The following PPP2R2B variants were observed in gnomAD, a reference collection of about 807,000 sequenced individuals.
PPP2R2B encodes serine/threonine-protein phosphatase 2A 55 kDa regulatory subunit B beta isoform.
A neutral mutation model predicts 46.0 loss-of-function variants in PPP2R2B; 5 were observed. That is an observed-to-expected ratio of 0.11 (90% CI 0.06 to 0.23). PPP2R2B has a LOEUF of 0.23. PPP2R2B is among the 10% of genes least tolerant of loss of function. The pLI is 1.00. For synonymous variants in PPP2R2B, 215 were observed against 206.7 expected (o/e 1.04, Z -0.34); for missense variants, 367 against 575.0 (o/e 0.64, Z 3.70).
rs181226265 is a variant in PPP2R2B, at chr5:146,840,964, T to A, written c.70+37038A>T. ...AAACAAAGAGATGAAACAAGACAAATATGTATTAAACATTAGTGGCCAATA... is the reference window on the plus strand; with the variant it reads ...AAACAAAGAGATGAAACAAGACAAAAATGTATTAAACATTAGTGGCCAATA... On this transcript the variant is annotated intron_variant, in intron 2 of 9. Transcript: ENST00000394411. 4.3e-3 allele frequency among the ~76,000 whole-genome samples: 658 copies of A among 152,262 alleles called. 3 individuals are homozygous for A. Among genetic ancestry groups the A allele is most frequent in the Non-Finnish European group, 6.5e-3 (445 of 68,010 alleles).
At chr5:146,936,488 CT>C (rs1764144830) in intron 1 of PPP2R2B, among the ~76,000 whole-genome samples, 1 of 147,758 alleles carries the variant, frequency 6.8e-6, no homozygotes, top group Non-Finnish European at 1.5e-5. Context: ...AAAAAAAACC[CT>C]AGACAGTTAT....
At chr5:146,928,986 T>G (rs1379916075) in intron 1 of PPP2R2B, among the ~76,000 whole-genome samples, 2 of 152,188 alleles carry the variant, frequency 1.3e-5, no homozygotes, top group African/African-American at 4.8e-5. Context: ...ATTGGCTATT[T>G]TCTTTTCCTG....
chr5:146,871,439 C>A (rs1183487100), intron 2 of PPP2R2B, among the ~76,000 whole-genome samples: 1 of 152,202 alleles, frequency 6.6e-6, no homozygotes, highest in African/African-American at 2.4e-5. Flanking sequence ...ATGGAGAAAG[C>A]TATTCAAAAA....
intron 2 of PPP2R2B, among the ~76,000 whole-genome samples, chr5:147,072,358 T>C (rs1288378219): frequency 6.6e-6 from 1 of 152,234 alleles, no homozygotes; most frequent in Admixed American, 6.5e-5. Context: ...ATATCCATTA[T>C]TGTTGTATTA....
intron 2 of PPP2R2B, among the ~76,000 whole-genome samples, chr5:147,070,216 T>C (rs1757545245): frequency 6.6e-6 from 1 of 152,160 alleles, no homozygotes; most frequent in Admixed American, 6.5e-5. Flanking sequence ...CGTGGCTATT[T>C]TGAGGGCTTC....
intron 6 of PPP2R2B, among the ~76,000 whole-genome samples, chr5:146,648,659 A>G (rs1386382209): frequency 6.6e-6 from 1 of 152,202 alleles, no homozygotes; most frequent in Non-Finnish European, 1.5e-5. Context: ...GGTAAGTACC[A>G]TGACAATAAC....
At chr5:146,901,163 G>A (rs916564890) in intron 1 of PPP2R2B, among the ~76,000 whole-genome samples, 2 of 152,110 alleles carry the variant, frequency 1.3e-5, no homozygotes, top group East Asian at 1.9e-4. Context: ...TGACCAAGAA[G>A]CTTCCATTAC....
intron 1 of PPP2R2B, among the ~76,000 whole-genome samples, chr5:146,886,021 G>A (rs1040209916): frequency 1.3e-5 from 2 of 152,096 alleles, no homozygotes; most frequent in Non-Finnish European, 2.9e-5. Flanking sequence ...GATTTCTTTT[G>A]CGGGTGTTGA....
chr5:147,066,214 C>T (rs1386221460), intron 2 of PPP2R2B, among the ~76,000 whole-genome samples: 1 of 152,128 alleles, frequency 6.6e-6, no homozygotes, highest in Non-Finnish European at 1.5e-5. Flanking sequence ...TTTCCTCTGC[C>T]AAAATCTAGG....
At chr5:146,945,409 C>A (rs1764449148) in intron 1 of PPP2R2B, among the ~76,000 whole-genome samples, 1 of 152,136 alleles carries the variant, frequency 6.6e-6, no homozygotes, top group African/African-American at 2.4e-5. Flanking sequence ...TCTTTTCTGC[C>A]AAACAGATTT....
At chr5:147,056,564 C>G (rs1043616534), upstream of PPP2R2B, among the ~76,000 whole-genome samples, 2 of 152,028 alleles carry the variant, frequency 1.3e-5, no homozygotes, top group African/African-American at 2.4e-5. Context: ...AGGAACTGAC[C>G]CTTCATCAAT....
intron 1 of PPP2R2B, chr5:146,919,873 A>T (rs988018404): frequency 1.3e-5 from 2 of 152,224 alleles, no homozygotes; most frequent in Non-Finnish European, 2.9e-5. Flanking sequence ...TGGGCACTGA[A>T]TTAAACGTTT....
intron 1 of PPP2R2B, among the ~76,000 whole-genome samples, chr5:146,929,813 T>G (rs1477784688): frequency 6.6e-6 from 1 of 152,214 alleles, no homozygotes; most frequent in Non-Finnish European, 1.5e-5. Context: ...ATTTGATATC[T>G]CTAAGCCTCT....
At chr5:146,659,070 A>G (rs1264079224) in intron 5 of PPP2R2B, among the ~76,000 whole-genome samples, 1 of 152,190 alleles carries the variant, frequency 6.6e-6, no homozygotes, top group African/African-American at 2.4e-5. Flanking sequence ...TTTAGGGGAA[A>G]TGCAATAAAA....
At chr5:146,782,255 A>G (rs1369373595) in intron 2 of PPP2R2B, among the ~76,000 whole-genome samples, 3 of 152,226 alleles carry the variant, frequency 2.0e-5, no homozygotes, top group African/African-American at 7.2e-5. Context: ...GCAATGCAGG[A>G]ACGATCTATT....
chr5:146,890,174 A>G (rs1762451740), intron 1 of PPP2R2B, among the ~76,000 whole-genome samples: 1 of 152,206 alleles, frequency 6.6e-6, no homozygotes, highest in South Asian at 2.1e-4. Flanking sequence ...AGAAATTACT[A>G]CTGTCTTTCA....
intron 1 of PPP2R2B, among the ~76,000 whole-genome samples, chr5:146,910,563 G>A (rs189131922): frequency 4.7e-4 from 72 of 152,238 alleles, no homozygotes; most frequent in African/African-American, 1.6e-3. Context: ...TCTGCAAAAG[G>A]GTGATGGTAA....
At chr5:146,643,720 T>G (rs943559258) in intron 6 of PPP2R2B, among the ~76,000 whole-genome samples, 1 of 152,204 alleles carries the variant, frequency 6.6e-6, no homozygotes, top group Non-Finnish European at 1.5e-5. Context: ...AAATACCACC[T>G]GTTCCTTAAA....
chr5:146,741,119 G>A lies in PPP2R2B; in HGVS notation c.71-39977C>T, dbSNP rs139977013. 2.6e-3 allele frequency among the ~76,000 whole-genome samples: 393 copies of A among 151,958 alleles called. 2 individuals carry two copies. The highest frequency in any genetic ancestry group is 8.7e-3 in the African/African-American group (360 of 41,458). On this transcript the variant is annotated intron_variant, in intron 2 of 9. Coordinates refer to ENST00000394411, the MANE Select transcript of PPP2R2B (RefSeq NM_181675.4). ...TTTAGGAATGGGGATCTAGGCATCC[G>A]CAATTTGAAAAATTCCCCAGGTAAT...
Sources: allele counts gnomAD v4.1 joint callset (sites outside exome capture counted in the v4.1 genomes callset), GRCh38; gene constraint gnomAD v4.1.1; transcripts MANE v1.5; gene names NCBI Gene and HGNC (gene_info 2026-07-23, HGNC 2026-07-21).